Variants in TMEM233 observed in about 807,000 individuals in gnomAD.
TMEM233 encodes transmembrane protein 233.
TMEM233 carries 6 observed loss-of-function variants against 11.2 expected under a neutral mutation model. The ratio of observed to expected loss-of-function variants is 0.54; its 90% CI spans 0.29 to 1.06. The LOEUF (loss-of-function observed/expected upper bound fraction) is 1.06. Ranked by LOEUF, TMEM233 falls within the 50% of genes least tolerant of loss-of-function variation. The probability of loss-of-function intolerance (pLI) is 0.08; values close to 1 mark genes in which losing one functional copy is unlikely to be tolerated. For synonymous variants in TMEM233, 59 were observed against 55.8 expected (o/e 1.06, Z -0.26); for missense variants, 127 against 144.7 (o/e 0.88, Z 0.63).
intron 1 of TMEM233, among the ~76,000 whole-genome samples, chr12:119,604,979 T>A (rs1954240042): frequency 1.4e-5 from 2 of 144,566 alleles, no homozygotes; most frequent in Non-Finnish European, 1.5e-5. Flanking sequence ...TTTTGCTAAT[T>A]TCCTTCTTCC....
At chr12:119,597,166 G>A (rs1359877366) in intron 1 of TMEM233, among the ~76,000 whole-genome samples, 1 of 152,210 alleles carries the variant, frequency 6.6e-6, no homozygotes, top group East Asian at 1.9e-4. Context: ...GACCAATTCT[G>A]CCAGGCGTTT....
intron 1 of TMEM233, among the ~76,000 whole-genome samples, chr12:119,611,649 C>G (rs1954402156): frequency 6.6e-6 from 1 of 151,866 alleles, no homozygotes; most frequent in African/African-American, 2.4e-5. Context: ...TCTTTCACTG[C>G]TTTGTGAACC....
chr12:119,638,951 CCATCCTCATCTCCCATCCCA>C (rs1384402060), intron 2 of TMEM233, among the ~76,000 whole-genome samples: 1 of 152,038 alleles, frequency 6.6e-6, no homozygotes, highest in African/African-American at 2.4e-5. Flanking sequence ...TGCCACCTCC[CCATCCTCATCTCCCATCCCA>C]CATCCTCATC....
At chr12:119,650,165 A>AAC in the TMEM233 span, among the ~76,000 whole-genome samples, 1 of 151,842 alleles carries the variant, frequency 6.6e-6, no homozygotes, top group Admixed American at 6.6e-5. Context: ...CTCAAAAAAA[A>AAC]AAAAAAAAGT....
At chr12:119,617,998 A>G (rs1248370839) in intron 1 of TMEM233, among the ~76,000 whole-genome samples, 5 of 152,164 alleles carry the variant, frequency 3.3e-5, no homozygotes, top group Non-Finnish European at 1.5e-5. Flanking sequence ...CCTAGGAGGG[A>G]AAATTGTTTC....
chr12:119,626,591 G>GAA (rs758122015), intron 1 of TMEM233, among the ~76,000 whole-genome samples: 1 of 134,110 alleles, frequency 7.5e-6, no homozygotes, highest in Non-Finnish European at 1.6e-5. Context: ...GAAGAGAAGA[G>GAA]AAGAGAAAAA....
intron 1 of TMEM233, among the ~76,000 whole-genome samples, chr12:119,597,595 A>G (rs1954072690): frequency 6.6e-6 from 1 of 152,230 alleles, no homozygotes; most frequent in African/African-American, 2.4e-5. Context: ...TACTTTGGAA[A>G]AATACACATT....
At chr12:119,600,937 C>A (rs757330189) in intron 1 of TMEM233, among the ~76,000 whole-genome samples, 1 of 151,702 alleles carries the variant, frequency 6.6e-6, no homozygotes, top group Non-Finnish European at 1.5e-5. Flanking sequence ...TTAAAATGGT[C>A]AATTTTATGT....
At chr12:119,622,918 G>T (rs1954671395) in intron 1 of TMEM233, among the ~76,000 whole-genome samples, 1 of 152,124 alleles carries the variant, frequency 6.6e-6, no homozygotes, top group Non-Finnish European at 1.5e-5. Flanking sequence ...ATTCACTCAA[G>T]GTCTCCCTTA....
intron 1 of TMEM233, among the ~76,000 whole-genome samples, chr12:119,606,062 C>A (rs1323548076): frequency 6.6e-6 from 1 of 152,172 alleles, no homozygotes; most frequent in East Asian, 1.9e-4. Context: ...CAGGAGCAAG[C>A]AAAATCTAAA....
chr12:119,640,177 T>C (rs908450572), intron 2 of TMEM233, among the ~76,000 whole-genome samples: 1 of 152,210 alleles, frequency 6.6e-6, no homozygotes, highest in African/African-American at 2.4e-5. Context: ...TTTTTTGAGA[T>C]GGAGTCTTGC....
intron 1 of TMEM233, among the ~76,000 whole-genome samples, chr12:119,611,556 A>G (rs1954400744): frequency 6.6e-6 from 1 of 152,004 alleles, no homozygotes; most frequent in Non-Finnish European, 1.5e-5. Context: ...ATATATATAT[A>G]TATATTCTAG....
chr12:119,639,494 C>T lies in TMEM233; in HGVS notation c.324-1205C>T, dbSNP rs548482494. On this transcript the variant is annotated intron_variant, in intron 2 of 2. Coordinates refer to ENST00000426426, the MANE Select transcript of TMEM233 (RefSeq NM_001136534.3). ...AAAATTAGCTGGGCATGGTGGCAGGCGCCTGTAGTCCCAGCTACTTGGGAG... is the reference window on the plus strand; with the variant it reads ...AAAATTAGCTGGGCATGGTGGCAGGTGCCTGTAGTCCCAGCTACTTGGGAG... Among the ~76,000 whole-genome samples the T allele has an allele frequency of 7.0e-4, 106 of 151,624 alleles. No homozygotes were observed. The East Asian group carries it at 0.012, about 17-fold the overall frequency.
At chr12:119,622,637 C>T (rs1467186727) in intron 1 of TMEM233, among the ~76,000 whole-genome samples, 1 of 152,120 alleles carries the variant, frequency 6.6e-6, no homozygotes, top group Admixed American at 6.6e-5. Flanking sequence ...ATTCTTTCTG[C>T]TTCACTGTTA....
rs1954036696 is a variant in TMEM233 at position 119,595,913 on chromosome 12, G to A, written c.186+1879G>A. On this transcript the variant is annotated intron_variant, in intron 1 of 2. Coordinates refer to ENST00000426426, the MANE Select transcript of TMEM233 (RefSeq NM_001136534.3). This position sits in a 1 kb window ranked among gnomAD's most constrained non-coding sequence, Gnocchi z 4.3. ...TTAGAATATAAGCTCCATAAGGGCA[G>A]GAATATTTGTTGGTTCCTGTATCTT... Among the ~76,000 whole-genome samples the A allele has an allele frequency of 2.0e-5, 3 of 152,234 alleles. No homozygotes were observed. Among genetic ancestry groups the A allele is most frequent in the Admixed American group, 2.0e-4 (3 of 15,290 alleles).
intron 1 of TMEM233, among the ~76,000 whole-genome samples, chr12:119,604,895 A>C (rs1954236334): frequency 6.6e-6 from 1 of 152,002 alleles, no homozygotes; most frequent in African/African-American, 2.4e-5. Context: ...TAGCCTCCAA[A>C]GTGCTGGGAT....
intron 1 of TMEM233, among the ~76,000 whole-genome samples, chr12:119,600,749 G>T (rs1954147057): frequency 1.3e-5 from 2 of 152,140 alleles, no homozygotes; most frequent in South Asian, 4.1e-4. Flanking sequence ...TAATTCTTGA[G>T]ACAGAAAGTA....
intron 1 of TMEM233, among the ~76,000 whole-genome samples, chr12:119,598,148 C>G (rs1464735281): frequency 6.6e-6 from 1 of 152,218 alleles, no homozygotes; most frequent in African/African-American, 2.4e-5. Context: ...GTGCCAGGCT[C>G]TATTCCAGCT....
chr12:119,648,206 T>C, the TMEM233 span, among the ~76,000 whole-genome samples: 1 of 152,080 alleles, frequency 6.6e-6, no homozygotes. Flanking sequence ...TTTTACTTCC[T>C]CCATGGGGTT....
Sources: allele counts gnomAD v4.1 joint callset (sites outside exome capture counted in the v4.1 genomes callset), GRCh38; gene constraint gnomAD v4.1.1; non-coding constraint Gnocchi (gnomAD v3.1); transcripts MANE v1.5; gene names NCBI Gene and HGNC (gene_info 2026-07-23, HGNC 2026-07-21).